R3HDM4: variants seen among roughly 807,000 people sequenced by gnomAD.
R3HDM4 encodes R3H domain containing 4, also known as R3H domain-containing protein 4.
In R3HDM4, 30 loss-of-function variants were observed where a neutral mutation model predicts 31.3. The observed-to-expected ratio is 0.96, with a 90% CI of 0.72 to 1.30. The LOEUF (loss-of-function observed/expected upper bound fraction) is 1.30, where lower values mean the gene tolerates loss of function less well. R3HDM4 is among the 50% of genes most tolerant of loss of function. The pLI is 0.00. For synonymous variants in R3HDM4, 196 were observed against 156.6 expected, an observed-to-expected ratio of 1.25 and a Z score of -1.88; for missense variants, 444 against 366.1, an observed-to-expected ratio of 1.21 and a Z score of -1.74.
In R3HDM4 at chr19:902,112, C is replaced by T. The variant is rs745654664; in HGVS notation, c.90G>A (p.Leu30=). 2 of 1,613,478 alleles carry T rather than the reference C, an allele frequency of 1.2e-6. No homozygotes were observed. Among genetic ancestry groups the T allele is most frequent in the Admixed American group, 3.3e-5 (2 of 60,020 alleles). The change falls in exon 2 of 8, where the codon CTG becomes CTA. Residue 30 remains leucine (L), a synonymous_variant. Transcript: ENST00000361574. The part of the protein sequence containing the change: ...GRRLLPLPSC[L]PALASSQVKR... ...TCACCTGGGAGCTGGCTAGGGCAGG[C>T]AGGCAGCTGGGAAGGGGCCTGTGGG...
chr19:902,336 G>A (rs754939966), intron 1 of R3HDM4: 141 of 590,770 alleles, frequency 2.4e-4, no homozygotes, highest in Non-Finnish European at 3.8e-4. Context: ...CGGGCTGGGT[G>A]TGGTGGCTCA....
At position 913,173 on chromosome 19, in the gene R3HDM4, GCCGCCGCCGCCGC is replaced by G; in HGVS notation, c.-29_-17del. On this transcript the variant is annotated 5_prime_UTR_variant, in exon 1 of 8. Coordinates refer to ENST00000361574, the MANE Select transcript of R3HDM4 (RefSeq NM_138774.4). This position sits in a 1 kb window ranked among gnomAD's most constrained non-coding sequence, Gnocchi z 5.0. ...GCGCGACCATGGCTCGCACGCTGTC[GCCGCCGCCGCCGC>G]CCGGCAGGGCCTTCACCGGGCCGGG... The G allele has an allele frequency of 9.5e-7, 1 of 1,052,596 alleles. No individual in the cohort carries two copies. Among genetic ancestry groups the G allele is most frequent in the Non-Finnish European group, 1.1e-6 (1 of 875,622 alleles). 65.2% of individuals were successfully genotyped at this position (1,052,596 alleles called of 1,614,324 possible).
chr19:902,011 G>A lies in R3HDM4; in HGVS notation c.191C>T (p.Ala64Val), dbSNP rs1309142704. Residue 64 changes from alanine to valine, a missense_variant, in exon 2 of 8, where the codon GCC (alanine) becomes GTC (valine). Ala to Val is a moderately conservative substitution (Grantham distance 64, BLOSUM62 0). Transcript: ENST00000361574. Reference protein sequence around the residue: ...AVRNSDLVPKAKGRKSLQRLE... With the variant: ...AVRNSDLVPKVKGRKSLQRLE... ...GCGCTGGAGGCTCTTCCGCCCCTTG[G>A]CCTTGGGCACGAGGTCTGAGTTCCG... 2 of 1,613,846 alleles carry A rather than the reference G, an allele frequency of 1.2e-6. No homozygotes were observed. Among genetic ancestry groups the A allele is most frequent in the South Asian group, 1.1e-5 (1 of 91,088 alleles).
intron 3 of R3HDM4, chr19:901,157 G>C (rs938268063): frequency 2.9e-5 from 20 of 687,110 alleles, no homozygotes; most frequent in African/African-American, 7.3e-5. Flanking sequence ...GTCTCGGGGT[G>C]GGGGGGATTG....
At chr19:901,945 C>A (rs2036842672) in intron 2 of R3HDM4, 31 bp downstream of exon 2, 1 of 1,611,710 alleles carries the variant, frequency 6.2e-7, no homozygotes, top group Non-Finnish European at 8.5e-7. Flanking sequence ...GCCCAGGAGC[C>A]CCCAGGAGGC....
intron 1 of R3HDM4, among the ~76,000 whole-genome samples, chr19:908,560 A>T (rs1454335879): frequency 6.6e-6 from 1 of 152,164 alleles, no homozygotes. Flanking sequence ...CAGTGAGCCG[A>T]GATCACAACA....
At chr19:902,928 T>C (rs1380633871) in intron 1 of R3HDM4, among the ~76,000 whole-genome samples, 1 of 151,680 alleles carries the variant, frequency 6.6e-6, no homozygotes, top group South Asian at 2.1e-4. Flanking sequence ...GGCGACGGAG[T>C]GAGACCTTGT....
At chr19:911,278 T>A (rs2036968496) in intron 1 of R3HDM4, among the ~76,000 whole-genome samples, 1 of 151,986 alleles carries the variant, frequency 6.6e-6, no homozygotes, top group Non-Finnish European at 1.5e-5. Context: ...ACCCCATCTC[T>A]ACTAAAAATA....
At chr19:901,322 G>T (rs959395689) in intron 3 of R3HDM4, 100 bp downstream of exon 3, 1 of 1,313,142 alleles carries the variant, frequency 7.6e-7, no homozygotes, top group Non-Finnish European at 1.0e-6. Context: ...TCAGAAGTGG[G>T]CGGGTGCTTC....
intron 7 of R3HDM4, among the ~76,000 whole-genome samples, 177 bp from the exon 8 acceptor site, chr19:897,717 A>G (rs1334930179): frequency 1.3e-5 from 2 of 152,238 alleles, no homozygotes; most frequent in Non-Finnish European, 2.9e-5. Context: ...CTGGCTCACA[A>G]GAATACCTAA....
chr19:898,693 T>G (rs2036778568), intron 7 of R3HDM4, among the ~76,000 whole-genome samples: 1 of 151,122 alleles, frequency 6.6e-6, no homozygotes, highest in East Asian at 1.9e-4. Flanking sequence ...GACCCCCCCG[T>G]CCTCTACTCC....
Position 899,922 on chromosome 19 carries a change from G to C in R3HDM4, c.561+139C>G. ...TTCGTTGCCCCCGCCCTCCTACTCA[G>C]GGCCCTGGTGCCGCTGTCTGTATCC... On this transcript the variant is annotated intron_variant, in intron 5 of 7. Transcript: ENST00000361574. This position sits in a 1 kb window ranked among gnomAD's most constrained non-coding sequence, Gnocchi z 6.8. The C allele has an allele frequency of 1.1e-6, 1 of 942,038 alleles. No homozygotes were observed. The highest frequency in any genetic ancestry group is 1.6e-6 in the Non-Finnish European group (1 of 609,000). 58.4% of individuals were successfully genotyped at this position (942,038 alleles called of 1,614,324 possible).
At chr19:912,993 G>T in intron 1 of R3HDM4, 94 bp downstream of exon 1, 1 of 365,110 alleles carries the variant, frequency 2.7e-6, no homozygotes, top group Non-Finnish European at 3.9e-6. Flanking sequence ...GGGGAGGGAA[G>T]GGAAAGGAGG....
At chr19:905,229 C>T (rs1043140663) in intron 1 of R3HDM4, among the ~76,000 whole-genome samples, 7 of 150,534 alleles carry the variant, frequency 4.7e-5, no homozygotes, top group Non-Finnish European at 7.4e-5. Context: ...GTACGCTGGG[C>T]GCAGTGGCTT....
At chr19:911,354 G>C (rs929943390) in intron 1 of R3HDM4, among the ~76,000 whole-genome samples, 3 of 152,300 alleles carry the variant, frequency 2.0e-5, no homozygotes, top group African/African-American at 7.2e-5. Context: ...TGCCGCAGGA[G>C]AATCGCTTGA....
intron 1 of R3HDM4, among the ~76,000 whole-genome samples, chr19:911,937 C>T (rs111702076): frequency 6.7e-5 from 10 of 150,334 alleles, no homozygotes; most frequent in African/African-American, 2.4e-4. Flanking sequence ...CGAGTGGGGC[C>T]GGGCGTGCGG....
intron 1 of R3HDM4, among the ~76,000 whole-genome samples, chr19:908,583 C>G (rs2036934207): frequency 6.6e-6 from 1 of 152,062 alleles, no homozygotes; most frequent in South Asian, 2.1e-4. Flanking sequence ...GCACTCCAGG[C>G]TGGGTGACAG....
In R3HDM4 at chr19:900,181, G is replaced by A. The variant is rs770404179; in HGVS notation, c.476-35C>T. On this transcript the variant is annotated intron_variant, in intron 4 of 7. Coordinates refer to ENST00000361574, the MANE Select transcript of R3HDM4 (RefSeq NM_138774.4). ...TGGGGGAACAAGGGGCAGTCTTGGG[G>A]TGCTCGTCCTGGCCCTGCCCACCTG... 7 of 1,509,426 alleles carry A rather than the reference G, an allele frequency of 4.6e-6. No homozygotes were observed. In the South Asian group the frequency reaches 9.0e-5, roughly 19 times the overall value. 93.5% of individuals were successfully genotyped at this position (1,509,426 alleles called of 1,614,324 possible).
rs895692187 is a variant in R3HDM4, at chr19:897,414, G to A, written c.*23C>T. The A allele has an allele frequency of 2.6e-6, 4 of 1,538,550 alleles. No homozygotes were observed. The highest frequency in any genetic ancestry group is 3.5e-6 in the Non-Finnish European group (4 of 1,132,390). ...GGCTTGATGGCTGGGCGAGGTGGCA[G>A]CGGGGTCTCCGCGGGGCCGCCATCA... On this transcript the variant is annotated 3_prime_UTR_variant, in exon 8 of 8. Coordinates refer to ENST00000361574, the MANE Select transcript of R3HDM4 (RefSeq NM_138774.4).
Sources: allele counts gnomAD v4.1 joint callset (sites outside exome capture counted in the v4.1 genomes callset), GRCh38; gene constraint gnomAD v4.1.1; non-coding constraint Gnocchi (gnomAD v3.1); transcripts MANE v1.5; gene names NCBI Gene and HGNC (gene_info 2026-07-23, HGNC 2026-07-21).